LRP1B: variants seen among roughly 807,000 people sequenced by gnomAD.
LRP1B encodes low-density lipoprotein receptor-related protein 1B.
LRP1B carries 217 observed loss-of-function variants against 556.6 expected under a neutral mutation model. The ratio of observed to expected loss-of-function variants is 0.39; its 90% CI spans 0.35 to 0.44. LRP1B has a LOEUF of 0.44. LRP1B is among the 20% of genes least tolerant of loss of function. LRP1B has a pLI of 1.00. For missense variants in LRP1B, 5,053 were observed against 5,620.8 expected (o/e 0.90, Z 3.23); for synonymous variants, 2,047 against 1,865.8 (o/e 1.10, Z -2.50).
chr2:141,988,179 C>T (rs1384487119), intron 1 of LRP1B, among the ~76,000 whole-genome samples: 1 of 151,548 alleles, frequency 6.6e-6, no homozygotes, highest in Admixed American at 6.6e-5. Flanking sequence ...CTGGTCAAAC[C>T]CTGCTGTTAC....
intron 32 of LRP1B, among the ~76,000 whole-genome samples, chr2:140,804,648 A>ATT (rs1690646115): frequency 7.9e-4 from 82 of 103,920 alleles, no homozygotes; most frequent in Non-Finnish European, 9.8e-4. Context: ...GGTAAAAACT[A>ATT]ATTTTTTTTT....
At chr2:142,110,501 T>C (rs1706937781) in intron 1 of LRP1B, among the ~76,000 whole-genome samples, 2 of 152,080 alleles carry the variant, frequency 1.3e-5, no homozygotes. Context: ...AATAAGTTAA[T>C]AAGTAGTGGG....
At chr2:140,908,109 T>C in intron 21 of LRP1B, 32 bp from the exon 22 acceptor site, 2 of 1,568,846 alleles carry the variant, frequency 1.3e-6, no homozygotes, top group South Asian at 1.1e-5. Context: ...TCAGTTTGAT[T>C]TTTGTGATTA....
chr2:140,626,745 C>A (rs1683677427), intron 41 of LRP1B, among the ~76,000 whole-genome samples: 1 of 144,344 alleles, frequency 6.9e-6, no homozygotes, highest in Non-Finnish European at 1.5e-5. Context: ...CCAAAGGTAA[C>A]ATATTGGGAA....
At chr2:140,991,810 G>A (rs888127502) in intron 16 of LRP1B, among the ~76,000 whole-genome samples, 4 of 152,096 alleles carry the variant, frequency 2.6e-5, no homozygotes, top group African/African-American at 9.7e-5. Flanking sequence ...CAGTATTGCA[G>A]AGGAGAAAAA....
intron 1 of LRP1B, among the ~76,000 whole-genome samples, chr2:141,901,873 T>C (rs1192362379): frequency 1.3e-5 from 2 of 151,838 alleles, no homozygotes; most frequent in Non-Finnish European, 1.5e-5. Flanking sequence ...CTTTTTTCTA[T>C]AGACATGAAA....
intron 43 of LRP1B, among the ~76,000 whole-genome samples, chr2:140,577,761 T>C (rs1355421373): frequency 6.6e-6 from 1 of 152,150 alleles, no homozygotes; most frequent in Non-Finnish European, 1.5e-5. Flanking sequence ...CCATATTTGC[T>C]TGATTTATTG....
At chr2:141,442,698 T>C (rs1324652145) in intron 3 of LRP1B, among the ~76,000 whole-genome samples, 1 of 152,120 alleles carries the variant, frequency 6.6e-6, no homozygotes, top group Non-Finnish European at 1.5e-5. Flanking sequence ...TCTGTTACTA[T>C]GTTAGTTTAC....
intron 41 of LRP1B, among the ~76,000 whole-genome samples, chr2:140,657,594 C>CAT (rs1338359985): frequency 3.6e-5 from 3 of 82,672 alleles, no homozygotes; most frequent in Non-Finnish European, 6.5e-5. Flanking sequence ...TACATACATA[C>CAT]ATATATATAC....
At chr2:141,125,169 T>C (rs1197327134) in intron 7 of LRP1B, among the ~76,000 whole-genome samples, 2 of 152,320 alleles carry the variant, frequency 1.3e-5, no homozygotes, top group African/African-American at 2.4e-5. Context: ...AGTATCTTCT[T>C]TGGAAAAAAT....
chr2:142,089,216 T>C (rs887864080), intron 1 of LRP1B, among the ~76,000 whole-genome samples: 2 of 45,682 alleles, frequency 4.4e-5, no homozygotes, highest in Admixed American at 6.4e-4. Context: ...TTAATTTTAG[T>C]TTTTTTCTGC....
intron 1 of LRP1B, among the ~76,000 whole-genome samples, chr2:141,925,807 G>T (rs563200987): frequency 3.3e-5 from 5 of 152,160 alleles, no homozygotes; most frequent in Non-Finnish European, 7.4e-5. Context: ...GCTCTGCAAA[G>T]CCTAGCAGAA....
chr2:141,103,535 T>TCTCTCTCTCTCTCTCTCTCTCTCTCTC (rs1553460368), intron 7 of LRP1B, among the ~76,000 whole-genome samples: 1 of 152,000 alleles, frequency 6.6e-6, no homozygotes, highest in African/African-American at 2.4e-5. Flanking sequence ...TCTCTCTCTC[T>TCTCTCTCTCTCTCTCTCTCTCTCTCTC]TAAAAAGTTC....
chr2:141,619,359 C>T (rs531467229), intron 2 of LRP1B, among the ~76,000 whole-genome samples: 1 of 152,262 alleles, frequency 6.6e-6, no homozygotes, highest in East Asian at 1.9e-4. Flanking sequence ...CTACATCCAG[C>T]TTATACCTTG....
chr2:140,907,714 T>A (rs74654320), intron 22 of LRP1B, among the ~76,000 whole-genome samples, 163 bp downstream of exon 22: 4,168 of 152,224 alleles, frequency 0.027, 171 homozygotes, highest in African/African-American at 0.095. Context: ...AGACTTTTAC[T>A]GTAGCCTTAG....
rs572364305 is a variant in LRP1B at position 140,857,801 on chromosome 2, T to G, written c.4580-6018A>C. Among the ~76,000 whole-genome samples, 8 of 152,222 alleles carry G rather than the reference T, an allele frequency of 5.3e-5. No individual in the cohort carries two copies. The South Asian group carries it at 1.7e-3, about 32-fold the overall frequency. On this transcript the variant is annotated intron_variant, in intron 27 of 90. Transcript: ENST00000389484. ...AGCTTTTGGTGTAAAAGGATGAAAA[T>G]ATATATGCAATATAATGTTACATTT...
intron 7 of LRP1B, among the ~76,000 whole-genome samples, chr2:141,084,315 C>G (rs372560815): frequency 6.6e-6 from 1 of 152,090 alleles, no homozygotes; most frequent in African/African-American, 2.4e-5. Flanking sequence ...AGAAGTTTCA[C>G]CCAGTGTGCG....
intron 1 of LRP1B, among the ~76,000 whole-genome samples, chr2:141,998,955 G>T (rs2105132114): frequency 6.6e-6 from 1 of 152,262 alleles, no homozygotes; most frequent in South Asian, 2.1e-4. Context: ...GAATGGCCTG[G>T]AAAGGAACAT....
At chr2:140,593,014 A>G (rs1481670714) in intron 43 of LRP1B, among the ~76,000 whole-genome samples, 2 of 152,002 alleles carry the variant, frequency 1.3e-5, no homozygotes, top group Non-Finnish European at 2.9e-5. Flanking sequence ...AAAAAGATAA[A>G]ATATCTCATT....
Sources: gnomAD v4.1 joint callset for allele counts (sites outside exome capture counted in the v4.1 genomes callset) on GRCh38, gnomAD v4.1.1 for gene constraint, MANE v1.5 for transcripts, NCBI Gene and HGNC (gene_info 2026-07-23, HGNC 2026-07-21) for gene names.